DAB1: variants seen among roughly 807,000 people sequenced by gnomAD.
DAB1 encodes disabled homolog 1.
DAB1 carries 15 observed loss-of-function variants against 64.6 expected under a neutral mutation model. The observed-to-expected ratio is 0.23, with a 90% confidence interval of 0.16 to 0.36. The LOEUF (loss-of-function observed/expected upper bound fraction) is 0.36. Among genes scored for constraint, DAB1 ranks in the 10% least tolerant of loss-of-function variants. The pLI, the probability that DAB1 is intolerant of heterozygous loss-of-function variation, is 1.00. For synonymous variants in DAB1, 235 were observed against 251.9 expected (o/e 0.93, Z 0.64); for missense variants, 596 against 706.7 (o/e 0.84, Z 1.78).
intron 1 of DAB1, chr1:57,874,398 G>A (rs1434879736): frequency 6.6e-6 from 1 of 152,206 alleles, no homozygotes. Context: ...GAGAAAAATG[G>A]AGAAGGAAAA....
At chr1:57,507,177 A>C (rs1644354072) in intron 7 of DAB1, among the ~76,000 whole-genome samples, 1 of 152,178 alleles carries the variant, frequency 6.6e-6, no homozygotes, top group African/African-American at 2.4e-5. Flanking sequence ...GGCCCTAAGC[A>C]ATCTTTCCAG....
chr1:58,118,301 C>A (rs1652470157), intron 5 of DAB1, among the ~76,000 whole-genome samples: 1 of 149,868 alleles, frequency 6.7e-6, no homozygotes, highest in African/African-American at 2.5e-5. Flanking sequence ...GTAGAGATGA[C>A]CCAGACATTT....
intron 7 of DAB1, among the ~76,000 whole-genome samples, chr1:57,630,908 G>A (rs1373505668): frequency 1.3e-5 from 2 of 152,140 alleles, no homozygotes; most frequent in Non-Finnish European, 2.9e-5. Context: ...AACATGTCCA[G>A]ACCTTCATGA....
chr1:58,450,803 T>C (rs1034544354), intron 3 of DAB1, among the ~76,000 whole-genome samples: 3 of 152,186 alleles, frequency 2.0e-5, no homozygotes, highest in African/African-American at 7.2e-5. Flanking sequence ...GAGAGAAATG[T>C]GGCAGACAAG....
At chr1:58,093,499 C>T (rs578241822) in intron 5 of DAB1, among the ~76,000 whole-genome samples, 9 of 151,730 alleles carry the variant, frequency 5.9e-5, no homozygotes, top group Non-Finnish European at 1.0e-4. Flanking sequence ...TTGTGAACTG[C>T]GCATGTGAGG....
chr1:57,132,044 T>A (rs1335105988), intron 4 of DAB1, among the ~76,000 whole-genome samples: 1 of 152,198 alleles, frequency 6.6e-6, no homozygotes, highest in Non-Finnish European at 1.5e-5. Flanking sequence ...TTAGAAATGC[T>A]GTTTTCTCTT....
intron 2 of DAB1, among the ~76,000 whole-genome samples, chr1:57,286,377 C>A (rs141480879): frequency 6.6e-6 from 1 of 152,100 alleles, no homozygotes; most frequent in African/African-American, 2.4e-5. Context: ...AAAAACACTT[C>A]TATTTTGTAA....
At chr1:58,302,583 C>T (rs753650984) in intron 4 of DAB1, among the ~76,000 whole-genome samples, 1 of 151,692 alleles carries the variant, frequency 6.6e-6, no homozygotes, top group Non-Finnish European at 1.5e-5. Flanking sequence ...GCTTCTAAGC[C>T]AGGCTTCCTG....
At position 57,025,985 on chromosome 1, in the gene DAB1, G is replaced by T; in HGVS notation, c.782C>A (p.Pro261His). Residue 261 changes from proline to histidine, a missense_variant, in exon 10 of 15, where the codon CCC becomes CAC. This residue lies in a region of DAB1 where 377 missense variants were observed against 400.4 expected (regional missense o/e 0.94). Coordinates refer to ENST00000371236, the MANE Select transcript of DAB1 (RefSeq NM_001365792.1). ...CAGAGAGCAATGCATACTTACGGGG[G>T]GAGAGGTTATATCAGGGGGTGTGGA... ...DMSTPPDITS[P>H]PTPATPGDAF... 1 of 1,581,138 alleles carries T rather than the reference G, an allele frequency of 6.3e-7. No individual in the cohort carries two copies. The highest frequency in any genetic ancestry group is 8.6e-7 in the Non-Finnish European group (1 of 1,166,474).
chr1:58,355,591 C>T (rs529243448), intron 3 of DAB1, among the ~76,000 whole-genome samples: 99 of 152,270 alleles, frequency 6.5e-4, no homozygotes, highest in Non-Finnish European at 1.0e-3. Flanking sequence ...ATTTGATGCT[C>T]ACTTTTTCCT....
chr1:57,040,718 T>A (rs2100475646), intron 9 of DAB1, among the ~76,000 whole-genome samples: 1 of 152,370 alleles, frequency 6.6e-6, no homozygotes, highest in Middle Eastern at 3.4e-3. Context: ...GGTCTCTTCC[T>A]ATCTCCTTTT....
chr1:57,024,177 C>T (rs1646711516), intron 10 of DAB1, among the ~76,000 whole-genome samples: 1 of 151,912 alleles, frequency 6.6e-6, no homozygotes, highest in African/African-American at 2.4e-5. Context: ...TGCCCCCCCG[C>T]CACACCCCCC....
intron 5 of DAB1, among the ~76,000 whole-genome samples, chr1:58,062,879 T>C (rs989864728): frequency 6.6e-6 from 1 of 152,156 alleles, no homozygotes; most frequent in Non-Finnish European, 1.5e-5. Flanking sequence ...AATGAGACAA[T>C]TGCATGTGAA....
chr1:57,095,597 A>T (rs1654086734), intron 4 of DAB1, among the ~76,000 whole-genome samples: 1 of 152,182 alleles, frequency 6.6e-6, no homozygotes, highest in Non-Finnish European at 1.5e-5. Context: ...GTCCACCCTG[A>T]TGGCTGGCAC....
At chr1:58,453,803 G>A (rs145543721) in intron 3 of DAB1, among the ~76,000 whole-genome samples, 35 of 152,142 alleles carry the variant, frequency 2.3e-4, no homozygotes, top group African/African-American at 8.4e-4. Flanking sequence ...TTGATTGTAG[G>A]ACTTCACAAA....
chr1:57,605,237 G>A (rs959682469), intron 7 of DAB1, among the ~76,000 whole-genome samples: 11 of 152,120 alleles, frequency 7.2e-5, no homozygotes, highest in Non-Finnish European at 8.8e-5. Context: ...ATTTATTTCT[G>A]TCTTCCCAGT....
At chr1:57,736,857 C>T (rs941800589) in intron 6 of DAB1, among the ~76,000 whole-genome samples, 5 of 152,126 alleles carry the variant, frequency 3.3e-5, no homozygotes, top group Admixed American at 3.3e-4. Flanking sequence ...TCAGTTGTGT[C>T]AGTCAATATC....
intron 3 of DAB1, among the ~76,000 whole-genome samples, chr1:58,430,066 C>T (rs75966799): frequency 0.031 from 4,687 of 152,282 alleles, 90 homozygotes; most frequent in Non-Finnish European, 0.05. Flanking sequence ...AGGGATCCAC[C>T]TTCCTGATCT....
chr1:57,831,881 C>T (rs1190267400), intron 1 of DAB1, among the ~76,000 whole-genome samples: 1 of 152,066 alleles, frequency 6.6e-6, no homozygotes, highest in Non-Finnish European at 1.5e-5. Flanking sequence ...TAAATACTCA[C>T]CAAGAACATA....
Sources: gnomAD v4.1 joint callset for allele counts (sites outside exome capture counted in the v4.1 genomes callset) on GRCh38, gnomAD v4.1.1 for gene constraint, gnomAD v4.1.1 regional missense constraint, MANE v1.5 for transcripts, NCBI Gene and HGNC (gene_info 2026-07-23, HGNC 2026-07-21) for gene names.